The following AGPS variants were observed in gnomAD, a reference collection of about 807,000 sequenced individuals.
The protein encoded by AGPS is alkyldihydroxyacetonephosphate synthase, peroxisomal.
AGPS carries 26 observed loss-of-function variants against 90.7 expected under a neutral mutation model. That is an observed-to-expected ratio of 0.29 (90% CI 0.21 to 0.40). The LOEUF (loss-of-function observed/expected upper bound fraction) is 0.40, where lower values mean the gene tolerates loss of function less well. Ranked by LOEUF, AGPS falls within the 10% of genes least tolerant of loss-of-function variation. AGPS has a pLI of 1.00. For missense variants in AGPS, 540 were observed against 816.1 expected, an observed-to-expected ratio of 0.66 and a Z score of 4.12; for synonymous variants, 294 against 285.3, an observed-to-expected ratio of 1.03 and a Z score of -0.31.
At chr2:177,418,653 T>C (rs988169061) in intron 1 of AGPS, among the ~76,000 whole-genome samples, 1 of 151,980 alleles carries the variant, frequency 6.6e-6, no homozygotes, top group Non-Finnish European at 1.5e-5. Context: ...ATCCTTCTGA[T>C]TATTGAAATA....
intron 19 of AGPS, among the ~76,000 whole-genome samples, chr2:177,525,909 G>C (rs2079082601): frequency 6.6e-6 from 1 of 152,206 alleles, no homozygotes; most frequent in African/African-American, 2.4e-5. Flanking sequence ...TACTTATTCA[G>C]ATGTACCCCA....
Position 177,521,357 on chromosome 2 carries a change from G to A in AGPS, c.1786G>A (p.Glu596Lys). Residue 596 changes from glutamate to lysine, a missense_variant, in exon 18 of 20, where the codon GAA becomes AAA. By Grantham distance (56) the Glu-to-Lys change is moderately conservative. Around this residue, in one of 2 missense-constraint regions of AGPS, gnomAD observed 405 missense variants for 692.1 expected, o/e 0.59. Coordinates refer to ENST00000264167, the MANE Select transcript of AGPS (RefSeq NM_003659.4). ...AATTAGTGACCCACTGACCGTATTTGAACAAACTGAGGTAATTTTGCATAC... is the reference window on the plus strand; with the variant it reads ...AATTAGTGACCCACTGACCGTATTTAAACAAACTGAGGTAATTTTGCATAC... ...RGISDPLTVF[E>K]QTEAAAREEI... is the part of the protein sequence containing the mutation. 6.2e-7 allele frequency: 1 copy of A among 1,613,316 alleles called. No homozygotes were observed. The highest frequency in any genetic ancestry group is 8.5e-7 in the Non-Finnish European group (1 of 1,179,288).
chr2:177,435,739 T>C (rs1177869553), intron 3 of AGPS, among the ~76,000 whole-genome samples: 2 of 152,224 alleles, frequency 1.3e-5, no homozygotes, highest in Admixed American at 1.3e-4. Flanking sequence ...CTTTCTTTTT[T>C]CCAAATACTG....
At chr2:177,528,432 T>C (rs1469868983) in intron 19 of AGPS, among the ~76,000 whole-genome samples, 1 of 152,232 alleles carries the variant, frequency 6.6e-6, no homozygotes, top group African/African-American at 2.4e-5. Context: ...GCATTGGCCT[T>C]CTTGCTATTC....
intron 2 of AGPS, among the ~76,000 whole-genome samples, chr2:177,432,377 G>T (rs1413280716): frequency 6.6e-6 from 1 of 152,204 alleles, no homozygotes; most frequent in Non-Finnish European, 1.5e-5. Flanking sequence ...TCAACAATTG[G>T]TATAAGTGCT....
intron 1 of AGPS, among the ~76,000 whole-genome samples, chr2:177,412,372 T>C (rs2105599798): frequency 6.6e-6 from 1 of 152,274 alleles, no homozygotes. Flanking sequence ...ACGACAGCTT[T>C]CTGCCTCTAG....
rs7582974 is a variant in AGPS at position 177,523,430 on chromosome 2, C to T, written c.1798-318C>T. On this transcript the variant is annotated intron_variant, in intron 18 of 19. Coordinates refer to ENST00000264167, the MANE Select transcript of AGPS (RefSeq NM_003659.4). Reference sequence around the variant, plus strand: ...GAGAGATGTTCGTTACTAAGTAGAACCTGACTCTACATTTACAACTTTGCA... The same window carrying T: ...GAGAGATGTTCGTTACTAAGTAGAATCTGACTCTACATTTACAACTTTGCA... 1.9e-3 allele frequency among the ~76,000 whole-genome samples: 285 copies of T among 152,238 alleles called. 1 individual carries two copies. Among genetic ancestry groups the T allele is most frequent in the African/African-American group, 6.6e-3 (274 of 41,550 alleles).
chr2:177,434,297 T>C, intron 2 of AGPS, 30 bp from the exon 3 acceptor site: 2 of 1,493,198 alleles, frequency 1.3e-6, no homozygotes, highest in Non-Finnish European at 1.9e-6. Flanking sequence ...GATACTTTGC[T>C]CTAATATTTT....
intron 10 of AGPS, among the ~76,000 whole-genome samples, chr2:177,474,998 C>G (rs988801844): frequency 2.0e-5 from 3 of 152,308 alleles, no homozygotes; most frequent in East Asian, 1.9e-4. Flanking sequence ...GGTTTATACT[C>G]ACCTTCTTTA....
chr2:177,425,620 TAGAAAA>T (rs1686058328), intron 2 of AGPS, among the ~76,000 whole-genome samples: 1 of 30,472 alleles, frequency 3.3e-5, no homozygotes, highest in African/African-American at 1.2e-4. Flanking sequence ...AAACTCTGCC[TAGAAAA>T]AAAAAAAAAA....
At chr2:177,453,830 A>G (rs796144579) in intron 8 of AGPS, among the ~76,000 whole-genome samples, 1 of 142,776 alleles carries the variant, frequency 7.0e-6, no homozygotes, top group Non-Finnish European at 1.5e-5. Flanking sequence ...TGGGATTACA[A>G]GCTTGAGCCA....
chr2:177,534,700 G>A (rs749737550), intron 19 of AGPS, among the ~76,000 whole-genome samples: 62 of 151,256 alleles, frequency 4.1e-4, no homozygotes, highest in Non-Finnish European at 6.2e-4. Context: ...TTCTCCTTCC[G>A]CCCAATCTCC....
chr2:177,393,411 T>G (rs1167678224), intron 1 of AGPS: 1 of 985,268 alleles, frequency 1.0e-6, no homozygotes, highest in Non-Finnish European at 1.2e-6. Flanking sequence ...AGAGGTTCTA[T>G]TTTTCTCCGA....
intron 8 of AGPS, among the ~76,000 whole-genome samples, chr2:177,451,949 A>G (rs58725259): frequency 0.091 from 5,922 of 64,936 alleles, 249 homozygotes; most frequent in African/African-American, 0.18. Flanking sequence ...TTTACTCACC[A>G]TGTATATATG....
At chr2:177,446,973 G>A (rs991075192) in intron 8 of AGPS, among the ~76,000 whole-genome samples, 8 of 152,104 alleles carry the variant, frequency 5.3e-5, no homozygotes, top group African/African-American at 1.9e-4. Flanking sequence ...TAGATTCTAA[G>A]CAGGTAATAG....
chr2:177,498,625 A>AT (rs140657607), intron 13 of AGPS, among the ~76,000 whole-genome samples: 1 of 150,628 alleles, frequency 6.6e-6, no homozygotes, highest in African/African-American at 2.4e-5. Flanking sequence ...CTAAATGAGA[A>AT]TTTAAAAAAA....
intron 19 of AGPS, among the ~76,000 whole-genome samples, chr2:177,533,848 T>C (rs1380761615): frequency 6.6e-6 from 1 of 152,190 alleles, no homozygotes; most frequent in Non-Finnish European, 1.5e-5. Context: ...GGTTTTCTTC[T>C]TAAAATCTGA....
At chr2:177,468,056 T>G (rs1168669768) in intron 9 of AGPS, among the ~76,000 whole-genome samples, 1 of 152,120 alleles carries the variant, frequency 6.6e-6, no homozygotes, top group African/African-American at 2.4e-5. Context: ...AATAATATGC[T>G]TCATAAAGGT....
chr2:177,488,930 A>G (rs1222191401), intron 11 of AGPS, among the ~76,000 whole-genome samples: 1 of 152,134 alleles, frequency 6.6e-6, no homozygotes, highest in Non-Finnish European at 1.5e-5. Context: ...TGTGAAATAT[A>G]TGTTAATGTT....
Sources: allele counts gnomAD v4.1 joint callset (sites outside exome capture counted in the v4.1 genomes callset), GRCh38; gene constraint gnomAD v4.1.1; regional missense constraint gnomAD v4.1.1; transcripts MANE v1.5; gene names NCBI Gene and HGNC (gene_info 2026-07-23, HGNC 2026-07-21).